Variants in TTC7A observed in about 807,000 individuals in gnomAD.
TTC7A encodes the protein tetratricopeptide repeat protein 7A.
A neutral mutation model predicts 103.7 loss-of-function variants in TTC7A; 110 were observed. That is an observed-to-expected ratio of 1.06 (90% CI 0.91 to 1.24). TTC7A has a LOEUF of 1.24. TTC7A is among the 50% of genes most tolerant of loss of function. The probability of loss-of-function intolerance (pLI) is 0.00; values close to 1 mark genes in which losing one functional copy is unlikely to be tolerated. For missense variants in TTC7A, 1,340 were observed against 1,116.3 expected, an observed-to-expected ratio of 1.20 and a Z score of -2.86; for synonymous variants, 521 against 467.9, an observed-to-expected ratio of 1.11 and a Z score of -1.47.
At chr2:46,932,873 C>T (rs1669782522) in intron 2 of TTC7A, among the ~76,000 whole-genome samples, 1 of 148,188 alleles carries the variant, frequency 6.7e-6, no homozygotes, top group South Asian at 2.1e-4. Context: ...TGCACTCCAG[C>T]CTGAGCAACA....
chr2:47,056,682 C>A, intron 18 of TTC7A, among the ~76,000 whole-genome samples: 1 of 152,138 alleles, frequency 6.6e-6, no homozygotes, highest in Non-Finnish European at 1.5e-5. Context: ...CAGATGTTTT[C>A]CATTTGTAGC....
At chr2:46,946,522 C>G (rs1046273303) in intron 1 of TTC7A, among the ~76,000 whole-genome samples, 1 of 152,140 alleles carries the variant, frequency 6.6e-6, no homozygotes, top group Non-Finnish European at 1.5e-5. Flanking sequence ...CTCTTGGGCT[C>G]AAGCCATCCT....
chr2:46,941,506 C>T lies in TTC7A; in HGVS notation c.-36C>T. On this transcript the variant is annotated 5_prime_UTR_variant, in exon 1 of 20. Coordinates refer to ENST00000319190, the MANE Select transcript of TTC7A (RefSeq NM_020458.4). This position sits in a 1 kb window ranked among gnomAD's most constrained non-coding sequence, Gnocchi z 4.2. ...GCCGCCCCCGGCCGGGTCTCCACTT[C>T]TTGGCCGCACCTTCCATGACAGCGC... 2 of 1,546,020 alleles carry T rather than the reference C, an allele frequency of 1.3e-6. No homozygotes were observed. Among genetic ancestry groups the T allele is most frequent in the Non-Finnish European group, 1.7e-6 (2 of 1,145,278 alleles).
In TTC7A at chr2:47,003,304, G is replaced by A. The variant is rs1381634216; in HGVS notation, c.1066-2618G>A. 2.0e-5 allele frequency among the ~76,000 whole-genome samples: 3 copies of A among 152,132 alleles called. No homozygotes were observed. The East Asian group carries it at 5.8e-4, about 29-fold the overall frequency. ...GAGCTGAGGCATGGGCTGGGTTGGG[G>A]GAGGACAGGAGAGGCCTGACCTCTC... On this transcript the variant is annotated intron_variant, in intron 8 of 19. Coordinates refer to ENST00000319190, the MANE Select transcript of TTC7A (RefSeq NM_020458.4).
intron 19 of TTC7A, among the ~76,000 whole-genome samples, chr2:47,065,446 A>C (rs984124863): frequency 1.3e-5 from 2 of 152,220 alleles, no homozygotes; most frequent in African/African-American, 4.8e-5. Flanking sequence ...CTAATGGTAG[A>C]CAAAGGCCAG....
chr2:46,948,583 G>A (rs527366407), intron 1 of TTC7A, among the ~76,000 whole-genome samples: 2 of 152,022 alleles, frequency 1.3e-5, no homozygotes, highest in Non-Finnish European at 2.9e-5. Flanking sequence ...TTCTCTGTGG[G>A]GAATCTCCCT....
At chr2:46,936,099 TA>T (rs1227015421) in intron 2 of TTC7A, among the ~76,000 whole-genome samples, 1 of 152,074 alleles carries the variant, frequency 6.6e-6, no homozygotes, top group Admixed American at 6.6e-5. Flanking sequence ...TCTAAAAACA[TA>T]AAAAATAATA....
At chr2:47,013,818 CGAG>C (rs748693071) in intron 11 of TTC7A, among the ~76,000 whole-genome samples, 16 of 152,286 alleles carry the variant, frequency 1.1e-4, no homozygotes, top group Middle Eastern at 3.4e-3. Flanking sequence ...TCATCAGAAT[CGAG>C]GAGAAGGGTG....
intron 15 of TTC7A, among the ~76,000 whole-genome samples, chr2:47,040,703 C>T (rs1228259604): frequency 2.6e-5 from 4 of 152,320 alleles, no homozygotes; most frequent in Non-Finnish European, 5.9e-5. Context: ...GGAGTCCCTT[C>T]CCTGTGTGCT....
intron 19 of TTC7A, among the ~76,000 whole-genome samples, chr2:47,070,401 C>CTGTGTG (rs1289057335): frequency 6.6e-6 from 1 of 152,138 alleles, no homozygotes; most frequent in Admixed American, 6.5e-5. Context: ...AGGTCCACAT[C>CTGTGTG]TGTGTGTGTG....
intron 19 of TTC7A, among the ~76,000 whole-genome samples, chr2:47,071,452 C>A (rs1285891626): frequency 6.6e-6 from 1 of 152,200 alleles, no homozygotes; most frequent in Non-Finnish European, 1.5e-5. Flanking sequence ...ACCCTCTGCT[C>A]ATCTTGAAGG....
At chr2:46,948,172 G>A (rs961202923) in intron 1 of TTC7A, among the ~76,000 whole-genome samples, 1 of 152,202 alleles carries the variant, frequency 6.6e-6, no homozygotes, top group African/African-American at 2.4e-5. Flanking sequence ...GCAACAAGGC[G>A]GGGACCAGCT....
intron 1 of TTC7A, among the ~76,000 whole-genome samples, chr2:46,943,629 A>C (rs1009219308): frequency 6.6e-6 from 1 of 152,202 alleles, no homozygotes; most frequent in Admixed American, 6.5e-5. Context: ...GTTTGGATTG[A>C]CTGCTGTTTT....
intron 2 of TTC7A, among the ~76,000 whole-genome samples, chr2:46,934,129 C>G (rs1669847292): frequency 6.6e-6 from 1 of 152,240 alleles, no homozygotes; most frequent in Non-Finnish European, 1.5e-5. Flanking sequence ...CAGAAACCAT[C>G]TACACCTAAG....
Position 46,978,811 on chromosome 2 carries a change from C to G in TTC7A, c.668C>G (p.Ser223Trp). 4 of 1,613,842 alleles carry G rather than the reference C, an allele frequency of 2.5e-6. No individual in the cohort carries two copies. Among genetic ancestry groups the G allele is most frequent in the African/African-American group, 1.3e-5 (1 of 74,992 alleles). ...TCCCAGACCACAAATAACAGCACGTCGAGGCATCTGAAAGGCTGTCACCCG... is the reference window on the plus strand; with the variant it reads ...TCCCAGACCACAAATAACAGCACGTGGAGGCATCTGAAAGGCTGTCACCCG... The part of the protein sequence containing the change: ...ELEKTTNNST[S>W]RHLKGCHPLD... Residue 223 changes from serine (S) to tryptophan (W), a missense_variant, in exon 5 of 20, where the codon TCG (serine) becomes TGG (tryptophan). Coordinates refer to ENST00000319190, the MANE Select transcript of TTC7A (RefSeq NM_020458.4).
chr2:47,041,979 C>G (rs116015757), intron 15 of TTC7A, among the ~76,000 whole-genome samples: 1 of 151,806 alleles, frequency 6.6e-6, no homozygotes, highest in Non-Finnish European at 1.5e-5. Flanking sequence ...GTATGAGATT[C>G]GAAGAAAGAC....
rs563132677 is a variant in TTC7A, at chr2:47,023,531, G to A, written c.1568+66G>A. ...TTGGTGGCAGATTCACAAGCTTTAC[G>A]TCATCAGACCCTCTGATGTGGGCAG... On this transcript the variant is annotated intron_variant, in intron 13 of 19. Transcript: ENST00000319190. 52 of 1,510,140 alleles carry A rather than the reference G, an allele frequency of 3.4e-5. 1 individual carries two copies. The highest frequency in any genetic ancestry group is 1.0e-4 in the South Asian group (9 of 88,902). The allele number at this position is 1,510,140 out of a possible 1,614,324, so 93.5% of individuals were successfully genotyped here. A position where few individuals can be genotyped will look rare whatever the true frequency, so the allele number is the denominator to read the frequency against.
intron 2 of TTC7A, among the ~76,000 whole-genome samples, chr2:46,930,441 A>AC (rs977320991): frequency 3.3e-5 from 5 of 151,254 alleles, no homozygotes; most frequent in Non-Finnish European, 7.4e-5. Flanking sequence ...CTAGGAAAAA[A>AC]AAAAAAAACT....
chr2:46,953,548 G>A (rs1671587902), intron 2 of TTC7A, among the ~76,000 whole-genome samples: 2 of 152,314 alleles, frequency 1.3e-5, no homozygotes, highest in African/African-American at 2.4e-5. Flanking sequence ...GTGGATTCCT[G>A]TGCATCCAAG....
Sources: allele counts gnomAD v4.1 joint callset (sites outside exome capture counted in the v4.1 genomes callset), GRCh38; gene constraint gnomAD v4.1.1; non-coding constraint Gnocchi (gnomAD v3.1); transcripts MANE v1.5; gene names NCBI Gene and HGNC (gene_info 2026-07-23, HGNC 2026-07-21).